Variants in CDH11 observed in about 807,000 individuals in gnomAD.
The protein encoded by CDH11 is cadherin-11.
A neutral mutation model predicts 67.8 loss-of-function variants in CDH11; 11 were observed. The ratio of observed to expected loss-of-function variants is 0.16; its 90% CI spans 0.10 to 0.27. The LOEUF (loss-of-function observed/expected upper bound fraction) is 0.27. Among genes scored for constraint, CDH11 ranks in the 10% least tolerant of loss-of-function variants. The pLI is 1.00. For missense variants in CDH11, 847 were observed against 1,031.2 expected (o/e 0.82, Z 2.45); for synonymous variants, 419 against 400.0 (o/e 1.05, Z -0.57).
chr16:65,075,144 G>A (rs2074487268), intron 1 of CDH11, among the ~76,000 whole-genome samples: 1 of 152,188 alleles, frequency 6.6e-6, no homozygotes, highest in Admixed American at 6.5e-5. Flanking sequence ...TGCACTGCCA[G>A]CCTGGTCTGT....
intron 6 of CDH11, chr16:64,991,556 C>T: frequency 4.0e-6 from 2 of 496,256 alleles, no homozygotes; most frequent in East Asian, 2.9e-5. Flanking sequence ...GAACTTTTTA[C>T]ATCTTTTCAT....
chr16:64,973,258 A>G (rs903320451), intron 8 of CDH11, among the ~76,000 whole-genome samples: 2 of 152,188 alleles, frequency 1.3e-5, no homozygotes, highest in Non-Finnish European at 2.9e-5. Context: ...TGAATGAAAG[A>G]GTTGTTTAGC....
At chr16:65,122,869 C>G (rs1341105900), upstream of CDH11, among the ~76,000 whole-genome samples, 1 of 152,200 alleles carries the variant, frequency 6.6e-6, no homozygotes, top group Non-Finnish European at 1.5e-5. Context: ...TGGCCCCTAC[C>G]CCAGCCAGGT....
rs771410723 is a variant in CDH11 at position 64,947,780 on chromosome 16, G to A, written c.2214C>T (p.Asp738=). 1.2e-6 allele frequency: 2 copies of A among 1,614,186 alleles called. No individual in the cohort carries two copies. Among genetic ancestry groups the A allele is most frequent in the East Asian group, 2.2e-5 (1 of 44,864 alleles). The change falls in exon 13 of 13, where the codon GAC becomes GAT. Residue 738 remains aspartate (D), a synonymous_variant. Transcript: ENST00000268603. ...ADNDPTAPPY[D]SIQIYGYEGR... ...CTTCATAACCGTAGATTTGAATGGA[G>A]TCATAAGGAGGAGCCGTGGGGTCAT...
At chr16:65,087,901 C>T (rs1321151614) in intron 1 of CDH11, among the ~76,000 whole-genome samples, 1 of 151,972 alleles carries the variant, frequency 6.6e-6, no homozygotes, top group Non-Finnish European at 1.5e-5. Flanking sequence ...AATTAATCAT[C>T]ATGGAAGAAT....
chr16:64,948,628 T>C, intron 12 of CDH11: 1 of 1,612,006 alleles, frequency 6.2e-7, no homozygotes, highest in Non-Finnish European at 8.5e-7. Context: ...GGTTGGACTC[T>C]CTGTAGCCAC....
Position 64,988,429 on chromosome 16 carries a change from CT to C in CDH11, c.812-86del, listed in dbSNP as rs1405343828. The C allele has an allele frequency of 5.6e-6, 7 of 1,255,866 alleles. No individual in the cohort carries two copies. In the African/African-American group the frequency reaches 1.1e-4, roughly 19 times the overall value. 77.8% of individuals were successfully genotyped at this position (1,255,866 alleles called of 1,614,324 possible). A position where few individuals can be genotyped will look rare whatever the true frequency, so the allele number is the denominator to read the frequency against. ...GATTTCATTGAATCCCAATAAATTT[CT>C]CAAAGGATTTGAAATTGAACTTTCT... On this transcript the variant is annotated intron_variant, in intron 6 of 12. Transcript: ENST00000268603.
chr16:64,963,637 C>T (rs982081811), intron 11 of CDH11, among the ~76,000 whole-genome samples: 2 of 151,938 alleles, frequency 1.3e-5, no homozygotes, highest in Non-Finnish European at 2.9e-5. Flanking sequence ...AAAGGAAGTC[C>T]CTACACCTAG....
intron 1 of CDH11, among the ~76,000 whole-genome samples, chr16:65,092,939 CTTTT>C (rs572146359): frequency 7.3e-6 from 1 of 137,786 alleles, no homozygotes. Context: ...AGTTTGTCTC[CTTTT>C]TTTTTTTTTT....
chr16:65,056,459 T>C (rs765771), intron 1 of CDH11, among the ~76,000 whole-genome samples: 49,297 of 152,102 alleles, frequency 0.32, 8,720 homozygotes, highest in South Asian at 0.53. Context: ...CTGTAAGAGA[T>C]AGTAATACGT....
At chr16:65,093,091 C>T (rs986803519) in intron 1 of CDH11, among the ~76,000 whole-genome samples, 5 of 151,992 alleles carry the variant, frequency 3.3e-5, no homozygotes, top group Admixed American at 1.3e-4. Flanking sequence ...CATGTGCCAC[C>T]ACACTCAGCT....
chr16:65,047,502 C>T (rs996059883), intron 2 of CDH11, among the ~76,000 whole-genome samples: 4 of 152,058 alleles, frequency 2.6e-5, no homozygotes, highest in Non-Finnish European at 5.9e-5. Context: ...CAGGCACGCA[C>T]CACCATGCTC....
chr16:65,002,473 A>C (rs371315906), intron 3 of CDH11, among the ~76,000 whole-genome samples: 1 of 152,198 alleles, frequency 6.6e-6, no homozygotes, highest in Non-Finnish European at 1.5e-5. Flanking sequence ...TCTGGCACAC[A>C]GCCCATCTCC....
chr16:65,049,282 C>T (rs2074016170), intron 2 of CDH11, among the ~76,000 whole-genome samples: 1 of 152,124 alleles, frequency 6.6e-6, no homozygotes, highest in African/African-American at 2.4e-5. Flanking sequence ...CCCTCCCATC[C>T]CAGCTTGGTT....
chr16:65,008,863 T>C (rs2073118517), intron 2 of CDH11, among the ~76,000 whole-genome samples: 1 of 152,158 alleles, frequency 6.6e-6, no homozygotes, highest in Non-Finnish European at 1.5e-5. Flanking sequence ...AGGACTAGAA[T>C]GAAAATACTA....
At position 65,109,989 on chromosome 16, in the gene CDH11, T is replaced by C. The variant is rs7203690; in HGVS notation, c.-298+11891A>G. Among the ~76,000 whole-genome samples, 1,011 of 152,104 alleles carry C rather than the reference T, an allele frequency of 6.6e-3. 15 individuals are homozygous for C. Among genetic ancestry groups the C allele is most frequent in the African/African-American group, 0.023 (960 of 41,508 alleles). ...CTCGACCTCTCCGGCTCAAGCAATATCTCCCGAGTAGCTGGGGACTACAGG... is the reference window on the plus strand; with the variant it reads ...CTCGACCTCTCCGGCTCAAGCAATACCTCCCGAGTAGCTGGGGACTACAGG... On this transcript the variant is annotated intron_variant, in intron 1 of 12. Transcript: ENST00000268603.
rs1174511827 is a variant in CDH11, at chr16:64,950,985, C to G, written c.1676G>C (p.Gly559Ala). The change falls in exon 12 of 13, where the codon GGG becomes GCG. Residue 559 changes from glycine to alanine, a missense_variant. Transcript: ENST00000268603. ...NTAGVYARRG[G>A]FSRQKQDLYL... ...CAAGTCCTGCTTCTGCCGACTGAAC[C>G]CTCCACGCCGGGCGTACACGCCTGC... 6.2e-7 allele frequency: 1 copy of G among 1,614,066 alleles called. No individual in the cohort carries two copies. The highest frequency in any genetic ancestry group is 1.1e-5 in the South Asian group (1 of 91,084).
intron 2 of CDH11, among the ~76,000 whole-genome samples, chr16:65,025,976 A>AGTCTGTCC (rs2073526473): frequency 6.6e-6 from 1 of 152,150 alleles, no homozygotes. Context: ...TGTCCACAGA[A>AGTCTGTCC]ACTCCTGGGC....
At chr16:64,982,580 C>G (rs1325827826) in intron 7 of CDH11, 1 of 300,894 alleles carries the variant, frequency 3.3e-6, no homozygotes, top group Non-Finnish European at 6.1e-6. Context: ...TAATGTTGCC[C>G]AAATAAGTCA....
Sources: allele counts gnomAD v4.1 joint callset (sites outside exome capture counted in the v4.1 genomes callset), GRCh38; gene constraint gnomAD v4.1.1; transcripts MANE v1.5; gene names NCBI Gene and HGNC (gene_info 2026-07-23, HGNC 2026-07-21).